Variants in POMP observed in about 807,000 individuals in gnomAD.
POMP encodes 2510048O06Rik.
POMP carries 12 observed loss-of-function variants against 20.6 expected under a neutral mutation model. The observed-to-expected ratio is 0.58, with a 90% CI of 0.37 to 0.94. The LOEUF is 0.94. Ranked by LOEUF, POMP falls within the 40% of genes least tolerant of loss-of-function variation. The probability of loss-of-function intolerance (pLI) is 0.01; values close to 1 mark genes in which losing one functional copy is unlikely to be tolerated. For missense variants in POMP, 136 were observed against 161.1 expected, an observed-to-expected ratio of 0.84 and a Z score of 0.84; for synonymous variants, 53 against 55.0, an observed-to-expected ratio of 0.96 and a Z score of 0.16.
At chr13:28,664,637 A>G (rs944519347) in intron 3 of POMP, 68 bp downstream of exon 3, 3 of 1,013,510 alleles carry the variant, frequency 3.0e-6, no homozygotes, top group African/African-American at 3.3e-5. Flanking sequence ...TATTGGTTTC[A>G]TTTTATTAAA....
At chr13:28,659,241 G>C (rs554552544) in intron 1 of POMP, 54 bp downstream of exon 1, 38 of 1,560,624 alleles carry the variant, frequency 2.4e-5, no homozygotes, top group Non-Finnish European at 3.2e-5. Context: ...ACCGTGGCTC[G>C]GCAGAAACAG....
intron 1 of POMP, 28 bp downstream of exon 1, chr13:28,659,215 TC>T: frequency 6.3e-7 from 1 of 1,583,084 alleles, no homozygotes. Context: ...CGGCTGGAGT[TC>T]CACGCGGGCT....
rs7985653 is a variant in POMP at position 28,678,893 on chromosome 13, A to G, written c.*791A>G. 5 of 152,244 alleles carry G rather than the reference A, an allele frequency of 3.3e-5. No homozygotes were observed. Among genetic ancestry groups the G allele is most frequent in the African/African-American group, 1.2e-4 (5 of 41,470 alleles). The allele number at this position is 152,244 out of a possible 1,614,324, so 9.4% of individuals were successfully genotyped here. A position where few individuals can be genotyped will look rare whatever the true frequency, so the allele number is the denominator to read the frequency against. ...AGTGAATGGATCATCTTTTACAATT[A>G]AAAGTATATTTTGATTATCAGTTTC... On this transcript the variant is annotated 3_prime_UTR_variant, in exon 6 of 6. Transcript: ENST00000380842.
intron 3 of POMP, among the ~76,000 whole-genome samples, chr13:28,665,332 C>T (rs1771164): frequency 0.047 from 7,194 of 152,098 alleles, 579 homozygotes; most frequent in African/African-American, 0.16. Context: ...TTGTTTGTTT[C>T]GCTTTCTAAT....
At position 28,659,137 on chromosome 13, in the gene POMP, T is replaced by C; in HGVS notation, c.-48T>C. ...TCGGAAACGGAAGTGAGCGGCGGGG[T>C]CGACTGACGGTAACGGGGCAGAGAG... is the stretch of plus-strand genomic sequence containing the variant. On this transcript the variant is annotated 5_prime_UTR_variant, in exon 1 of 6. Transcript: ENST00000380842. 1.3e-6 allele frequency: 2 copies of C among 1,552,102 alleles called. No individual in the cohort carries two copies. The highest frequency in any genetic ancestry group is 1.9e-5 in the Admixed American group (1 of 51,664).
chr13:28,659,204 G>C lies in POMP; in HGVS notation c.3+17G>C. The C allele has an allele frequency of 6.3e-7, 1 of 1,588,318 alleles. No individual in the cohort carries two copies. The highest frequency in any genetic ancestry group is 8.6e-7 in the Non-Finnish European group (1 of 1,168,540). ...CGGAAGATGGTGAGTGGGTACCCGG[G>C]CGGCTGGAGTTCCACGCGGGCTCGG... is the stretch of plus-strand genomic sequence containing the variant. On this transcript the variant is annotated intron_variant, in intron 1 of 5. Coordinates refer to ENST00000380842, the MANE Select transcript of POMP (RefSeq NM_015932.6).
intron 5 of POMP, among the ~76,000 whole-genome samples, chr13:28,673,723 A>G (rs1207725305): frequency 2.0e-5 from 3 of 152,160 alleles, no homozygotes; most frequent in African/African-American, 7.2e-5. Flanking sequence ...TAAAACTACT[A>G]AGGTGATAGT....
chr13:28,664,485 G>GTT (rs34899277), intron 2 of POMP, 24 bp from the exon 3 acceptor site: 161 of 1,255,070 alleles, frequency 1.3e-4, no homozygotes, highest in African/African-American at 9.1e-4. Context: ...TCCTCTAAAT[G>GTT]TTTTTTTTTT....
chr13:28,663,552 C>T (rs141529717), intron 2 of POMP, among the ~76,000 whole-genome samples: 279 of 152,254 alleles, frequency 1.8e-3, no homozygotes, highest in African/African-American at 6.6e-3. Context: ...TCCAGTGATC[C>T]GTACACCTTG....
intron 3 of POMP, among the ~76,000 whole-genome samples, chr13:28,666,586 A>G (rs1050413405): frequency 6.6e-6 from 1 of 152,224 alleles, no homozygotes; most frequent in Non-Finnish European, 1.5e-5. Flanking sequence ...CTTACTGTCT[A>G]TTATAAATCC....
rs199649007 is a variant in POMP, at chr13:28,671,809, T to TA, written c.265-526dup. 6.2e-3 allele frequency among the ~76,000 whole-genome samples: 940 copies of TA among 152,292 alleles called. 9 individuals carry two copies. The highest frequency in any genetic ancestry group is 0.022 in the African/African-American group (906 of 41,552). ...TAGATTCTAACGGTGTGATTATCTT[T>TA]AAAATACTACTATCATTTAGTCAAA... On this transcript the variant is annotated intron_variant, in intron 4 of 5. Transcript: ENST00000380842.
At chr13:28,676,206 G>A (rs527900452) in intron 5 of POMP, among the ~76,000 whole-genome samples, 2 of 151,950 alleles carry the variant, frequency 1.3e-5, no homozygotes, top group African/African-American at 2.4e-5. Context: ...GGGTTTCACC[G>A]TGTTAGCCAG....
At chr13:28,677,256 A>C (rs1431976692) in intron 5 of POMP, among the ~76,000 whole-genome samples, 1 of 151,918 alleles carries the variant, frequency 6.6e-6, no homozygotes, top group African/African-American at 2.4e-5. Context: ...GCAGTTTATT[A>C]ATCTCCAGTC....
At chr13:28,671,298 G>A (rs1334934311) in intron 4 of POMP, among the ~76,000 whole-genome samples, 1 of 152,114 alleles carries the variant, frequency 6.6e-6, no homozygotes, top group Non-Finnish European at 1.5e-5. Flanking sequence ...GGATTATTCT[G>A]AAGATTAAAT....
At chr13:28,662,366 T>C in intron 1 of POMP, 44 bp from the exon 2 acceptor site, 1 of 1,478,142 alleles carries the variant, frequency 6.8e-7, no homozygotes, top group Non-Finnish European at 9.4e-7. Context: ...GGTGTGTGTT[T>C]AAATTTTTTT....
At chr13:28,667,471 A>G (rs1371447928) in intron 3 of POMP, among the ~76,000 whole-genome samples, 1 of 152,196 alleles carries the variant, frequency 6.6e-6, no homozygotes, top group African/African-American at 2.4e-5. Context: ...CAGATCATAT[A>G]CCCATAATAA....
At chr13:28,670,211 C>A (rs984147015) in intron 4 of POMP, among the ~76,000 whole-genome samples, 1 of 152,196 alleles carries the variant, frequency 6.6e-6, no homozygotes, top group Admixed American at 6.5e-5. Context: ...CCCACAGGCA[C>A]CTCCAGTTTT....
At chr13:28,659,322 C>T in intron 1 of POMP, 135 bp downstream of exon 1, 2 of 1,423,814 alleles carry the variant, frequency 1.4e-6, no homozygotes, top group Non-Finnish European at 1.9e-6. Context: ...GCCTCAGGCG[C>T]CATAATCTGT....
At chr13:28,677,990 C>CT in intron 5 of POMP, 45 bp from the exon 6 acceptor site, 2 of 1,574,612 alleles carry the variant, frequency 1.3e-6, no homozygotes, top group South Asian at 1.1e-5. Flanking sequence ...GAATGTATCT[C>CT]TTTTTTGAGA....
Sources: gnomAD v4.1 joint callset for allele counts (sites outside exome capture counted in the v4.1 genomes callset) on GRCh38, gnomAD v4.1.1 for gene constraint, MANE v1.5 for transcripts, NCBI Gene and HGNC (gene_info 2026-07-23, HGNC 2026-07-21) for gene names.